FNDC3B: variants seen among roughly 807,000 people sequenced by gnomAD.
The protein encoded by FNDC3B is fibronectin type III domain-containing protein 3B.
FNDC3B carries 12 observed loss-of-function variants against 151.5 expected under a neutral mutation model. That is an observed-to-expected ratio of 0.08 (90% confidence interval 0.05 to 0.13). The LOEUF (loss-of-function observed/expected upper bound fraction) is 0.13, where lower values mean the gene tolerates loss of function less well. Ranked by LOEUF, FNDC3B falls within the 10% of genes least tolerant of loss-of-function variation. The pLI, the probability that FNDC3B is intolerant of heterozygous loss-of-function variation, is 1.00. For synonymous variants in FNDC3B, 528 were observed against 549.0 expected, an observed-to-expected ratio of 0.96 and a Z score of 0.54; for missense variants, 1,214 against 1,505.3, an observed-to-expected ratio of 0.81 and a Z score of 3.20.
At chr3:172,140,022 T>C (rs1439022620) in intron 3 of FNDC3B, among the ~76,000 whole-genome samples, 1 of 152,188 alleles carries the variant, frequency 6.6e-6, no homozygotes, top group South Asian at 2.1e-4. Context: ...TGAAATGTTA[T>C]TGTGAACACT....
intron 20 of FNDC3B, 121 bp downstream of exon 20, chr3:172,346,561 T>TTTA (rs1553794239): frequency 1.2e-5 from 7 of 601,696 alleles, no homozygotes; most frequent in African/African-American, 1.1e-4. Context: ...TTTTTTTTTT[T>TTTA]GCTCTGTGTA....
chr3:172,323,166 G>T (rs1732177103), intron 11 of FNDC3B, among the ~76,000 whole-genome samples: 1 of 152,078 alleles, frequency 6.6e-6, no homozygotes, highest in African/African-American at 2.4e-5. Flanking sequence ...AAAAAATAAA[G>T]ATGTTCCTTA....
At chr3:172,327,745 G>A (rs1472085016) in intron 11 of FNDC3B, among the ~76,000 whole-genome samples, 5 of 152,226 alleles carry the variant, frequency 3.3e-5, no homozygotes, top group African/African-American at 1.2e-4. Flanking sequence ...CAACAGTCAG[G>A]CTAGTGGTGT....
chr3:172,068,525 G>A (rs1717617136), intron 1 of FNDC3B, among the ~76,000 whole-genome samples: 1 of 147,410 alleles, frequency 6.8e-6, no homozygotes, highest in African/African-American at 2.5e-5. Context: ...CCGGGTTCAA[G>A]CAATTCTCCT....
intron 3 of FNDC3B, among the ~76,000 whole-genome samples, chr3:172,171,324 T>C (rs1015510071): frequency 1.3e-5 from 2 of 152,258 alleles, no homozygotes; most frequent in African/African-American, 4.8e-5. Flanking sequence ...TTATGTCATT[T>C]ACAGTCTAGT....
chr3:172,358,954 TTGGTGGTGGTGGTGG>T lies in FNDC3B; in HGVS notation c.2796-3628_2796-3614del, dbSNP rs60325692. On this transcript the variant is annotated intron_variant, in intron 22 of 25. Transcript: ENST00000415807. ...AGTGTTAAATGCTACCACAGTTTTC[TTGGTGGTGGTGGTGG>T]TGGTGGTGGTGGTGGTGGTGGTGGT... Among the ~76,000 whole-genome samples, 782 of 80,594 alleles carry T rather than the reference TTGGTGGTGGTGGTGG, an allele frequency of 9.7e-3. 6 individuals are homozygous for T. The highest frequency in any genetic ancestry group is 0.016 in the Middle Eastern group (3 of 182). The allele number at this position is 80,594 out of a possible 152,430, so 52.9% of individuals were successfully genotyped here. A position where few individuals can be genotyped will look rare whatever the true frequency, so the allele number is the denominator to read the frequency against.
chr3:172,313,078 T>C (rs1328291141), intron 11 of FNDC3B, among the ~76,000 whole-genome samples: 3 of 152,160 alleles, frequency 2.0e-5, no homozygotes, highest in Non-Finnish European at 4.4e-5. Flanking sequence ...CTTTCCCCTT[T>C]TTCTCTCCCA....
intron 25 of FNDC3B, among the ~76,000 whole-genome samples, chr3:172,394,106 T>TAAAAAAAAAAAAAAAAAAAAAAA (rs60559371): frequency 1.2e-4 from 2 of 16,648 alleles, no homozygotes; most frequent in South Asian, 2.8e-3. Context: ...AGACTCCTTC[T>TAAAAAAAAAAAAAAAAAAAAAAA]AAAAAAAAAA....
intron 22 of FNDC3B, among the ~76,000 whole-genome samples, chr3:172,360,978 A>T (rs1734326368): frequency 6.6e-6 from 1 of 152,144 alleles, no homozygotes; most frequent in African/African-American, 2.4e-5. Context: ...TGTTTGGCTT[A>T]TAATAAACTG....
intron 3 of FNDC3B, among the ~76,000 whole-genome samples, chr3:172,199,175 TTTTATTTTTTA>T (rs1286495095): frequency 6.7e-6 from 1 of 148,794 alleles, no homozygotes; most frequent in African/African-American, 2.5e-5. Context: ...GAATATTTTA[TTTTATTTTTTA>T]TTTTTTTTTT....
rs192811993 is a variant in FNDC3B, at chr3:172,273,730, T to C, written c.791-12196T>C. On this transcript the variant is annotated intron_variant, in intron 6 of 25. Coordinates refer to ENST00000415807, the MANE Select transcript of FNDC3B (RefSeq NM_022763.4). ...TGGAATTAGTGTCCACTCTACAGTT[T>C]AGCACCTCTTTATCCTTACTGAAAG... Among the ~76,000 whole-genome samples the C allele has an allele frequency of 2.1e-4, 32 of 152,374 alleles. No homozygotes were observed. The East Asian group carries it at 2.7e-3, about 13-fold the overall frequency.
intron 1 of FNDC3B, among the ~76,000 whole-genome samples, chr3:172,090,852 G>A (rs1718787258): frequency 6.6e-6 from 1 of 152,108 alleles, no homozygotes; most frequent in Non-Finnish European, 1.5e-5. Context: ...TTAAAATATT[G>A]TATAAAATTA....
intron 1 of FNDC3B, among the ~76,000 whole-genome samples, chr3:172,064,171 C>T (rs557449615): frequency 6.6e-6 from 1 of 152,196 alleles, no homozygotes; most frequent in African/African-American, 2.4e-5. Context: ...GATAGACAGC[C>T]TAAGGGAGCC....
intron 3 of FNDC3B, among the ~76,000 whole-genome samples, chr3:172,184,996 T>A (rs1724096195): frequency 6.6e-6 from 1 of 152,194 alleles, no homozygotes; most frequent in Admixed American, 6.5e-5. Context: ...TTCTGACCAC[T>A]TTGGAAGTCA....
intron 23 of FNDC3B, 109 bp downstream of exon 23, chr3:172,362,954 T>C: frequency 1.2e-6 from 1 of 821,924 alleles, no homozygotes; most frequent in African/African-American, 1.7e-5. Context: ...TTCCTTCTTG[T>C]TCAGAGGCTT....
intron 3 of FNDC3B, among the ~76,000 whole-genome samples, chr3:172,185,964 A>T (rs2108660728): frequency 6.6e-6 from 1 of 152,334 alleles, no homozygotes. Flanking sequence ...GTGGACTAAG[A>T]TGTAGAAACC....
intron 6 of FNDC3B, among the ~76,000 whole-genome samples, chr3:172,256,297 C>T (rs1392607937): frequency 6.6e-6 from 1 of 152,208 alleles, no homozygotes; most frequent in Non-Finnish European, 1.5e-5. Flanking sequence ...TGAAGCCTGC[C>T]TGTCTCTCCA....
At chr3:172,323,018 G>A (rs1425143549) in intron 11 of FNDC3B, among the ~76,000 whole-genome samples, 3 of 141,468 alleles carry the variant, frequency 2.1e-5, no homozygotes, top group East Asian at 1.9e-4. Context: ...GTGCAGCAAA[G>A]TGTTTTAGTT....
At chr3:172,110,626 G>T (rs1228107466) in intron 1 of FNDC3B, among the ~76,000 whole-genome samples, 2 of 151,696 alleles carry the variant, frequency 1.3e-5, no homozygotes, top group Non-Finnish European at 2.9e-5. Context: ...GCAGGAGAGG[G>T]CTTTGGCACT....
Sources: allele counts gnomAD v4.1 joint callset (sites outside exome capture counted in the v4.1 genomes callset), GRCh38; gene constraint gnomAD v4.1.1; transcripts MANE v1.5; gene names NCBI Gene and HGNC (gene_info 2026-07-23, HGNC 2026-07-21).